The following KMT2C variants were observed in gnomAD, a reference collection of about 807,000 sequenced individuals.
KMT2C encodes histone-lysine N-methyltransferase 2C.
Under a neutral mutation model 507.9 loss-of-function variants are expected in KMT2C, and 88 were observed. The ratio of observed to expected loss-of-function variants is 0.17; its 90% CI spans 0.15 to 0.21. KMT2C has a LOEUF of 0.21. KMT2C is among the 10% of genes least tolerant of loss of function. KMT2C has a pLI of 1.00. For missense variants in KMT2C, 4,954 were observed against 5,957.8 expected (o/e 0.83, Z 5.55); for synonymous variants, 2,049 against 2,080.8 (o/e 0.98, Z 0.42).
chr7:152,320,262 T>A (rs527712298), intron 3 of KMT2C, among the ~76,000 whole-genome samples: 5 of 152,322 alleles, frequency 3.3e-5, no homozygotes, highest in African/African-American at 9.6e-5. Flanking sequence ...GTTTTTGTTT[T>A]TTTTGAGATG....
At chr7:152,185,440 T>C in intron 34 of KMT2C, 118 bp downstream of exon 34, 1 of 667,834 alleles carries the variant, frequency 1.5e-6, no homozygotes, top group Non-Finnish European at 2.6e-6. Flanking sequence ...AGTTGCTTGT[T>C]GTACAGGTAC....
chr7:152,214,507 C>A (rs2094525470), intron 23 of KMT2C, among the ~76,000 whole-genome samples: 1 of 152,036 alleles, frequency 6.6e-6, no homozygotes, highest in South Asian at 2.1e-4. Context: ...CTAATTTTGG[C>A]ATAATGCAAA....
At chr7:152,348,711 G>A (rs1037992119) in intron 2 of KMT2C, among the ~76,000 whole-genome samples, 2 of 150,858 alleles carry the variant, frequency 1.3e-5, no homozygotes, top group Admixed American at 6.6e-5. Context: ...ATGAACAGAT[G>A]TTCCACATTA....
intron 16 of KMT2C, among the ~76,000 whole-genome samples, chr7:152,234,417 A>G (rs2095219491): frequency 6.6e-6 from 1 of 152,020 alleles, no homozygotes; most frequent in Admixed American, 6.6e-5. Context: ...AAAACACAAC[A>G]AAAACCCCCC....
chr7:152,354,949 C>T (rs1191155353), intron 2 of KMT2C, among the ~76,000 whole-genome samples: 1 of 152,032 alleles, frequency 6.6e-6, no homozygotes, highest in African/African-American at 2.4e-5. Flanking sequence ...ACTCTGGCTA[C>T]TATGTGTGGG....
Position 152,162,721 on chromosome 7 carries a change from G to A in KMT2C, c.10856C>T (p.Thr3619Ile). Residue 3619 changes from threonine to isoleucine, a missense_variant, in exon 43 of 59, where the codon ACC becomes ATC. Physicochemically the swap from Thr to Ile is moderately conservative, Grantham distance 89. Coordinates refer to ENST00000262189, the MANE Select transcript of KMT2C (RefSeq NM_170606.3). ...TGAATGGGGAGTTGATGGAGCCTTG[G>A]TGGATTCTGCATCATCATCTCTTTT... Reference protein sequence around the residue: ...KKKRDDDAESTKAPSTPHSDI... With the variant: ...KKKRDDDAESIKAPSTPHSDI... 6.2e-7 allele frequency: 1 copy of A among 1,614,204 alleles called. No individual in the cohort carries two copies.
intron 2 of KMT2C, among the ~76,000 whole-genome samples, chr7:152,347,952 C>T (rs1304845501): frequency 1.3e-5 from 2 of 151,278 alleles, no homozygotes; most frequent in African/African-American, 4.9e-5. Flanking sequence ...TATTAAAGGG[C>T]CAACTGTTTC....
chr7:152,385,611 C>CAAAAAAAAAAAAAAAAAAAA (rs1160527130), intron 1 of KMT2C, among the ~76,000 whole-genome samples: 2 of 19,440 alleles, frequency 1.0e-4, no homozygotes, highest in Non-Finnish European at 1.4e-4. Flanking sequence ...GACTCCGTCT[C>CAAAAAAAAAAAAAAAAAAAA]AAAAAAAAAA....
rs184847158 is a variant in KMT2C at position 152,292,261 on chromosome 7, A to C, written c.849+17705T>G. On this transcript the variant is annotated intron_variant, in intron 6 of 58. Transcript: ENST00000262189. Reference sequence around the variant, plus strand: ...TCCACTTTTCTCCTTTTCTTGTTTTAACATGATAGGTGGGTATGCACTGGT... The same window carrying C: ...TCCACTTTTCTCCTTTTCTTGTTTTCACATGATAGGTGGGTATGCACTGGT... Among the ~76,000 whole-genome samples the C allele has an allele frequency of 1.5e-3, 221 of 152,290 alleles. 1 individual carries two copies. Among genetic ancestry groups the C allele is most frequent in the African/African-American group, 5.0e-3 (209 of 41,576 alleles).
chr7:152,168,343 T>TA (rs2092823596), intron 41 of KMT2C, among the ~76,000 whole-genome samples: 1 of 152,192 alleles, frequency 6.6e-6, no homozygotes, highest in Admixed American at 6.5e-5. Context: ...AGCCAGTTGG[T>TA]ATAGTTCTTT....
Position 152,196,019 on chromosome 7 carries a change from T to C in KMT2C, c.4274-8A>G. The C allele has an allele frequency of 1.3e-6, 2 of 1,512,598 alleles. No homozygotes were observed. The highest frequency in any genetic ancestry group is 9.1e-7 in the Non-Finnish European group (1 of 1,102,644). 93.7% of individuals were successfully genotyped at this position (1,512,598 alleles called of 1,614,324 possible). A position where few individuals can be genotyped will look rare whatever the true frequency, so the allele number is the denominator to read the frequency against. ...ATGGGTCATCAGCAGGACCTAAATA[T>C]AGTAAATATGTTTTTTAAAATTTCA... On this transcript the variant is annotated splice_region_variant and splice_polypyrimidine_tract_variant and intron_variant, in intron 27 of 58. Coordinates refer to ENST00000262189, the MANE Select transcript of KMT2C (RefSeq NM_170606.3).
chr7:152,416,219 G>A (rs557789421), intron 1 of KMT2C, among the ~76,000 whole-genome samples: 7 of 152,342 alleles, frequency 4.6e-5, no homozygotes. Context: ...GCGAAACCCT[G>A]TATTTTTAGT....
chr7:152,384,433 C>A (rs2097402075), intron 1 of KMT2C, among the ~76,000 whole-genome samples: 1 of 152,148 alleles, frequency 6.6e-6, no homozygotes, highest in African/African-American at 2.4e-5. Context: ...GTAACCTCTA[C>A]CTCCTCCAAT....
intron 1 of KMT2C, among the ~76,000 whole-genome samples, chr7:152,399,165 C>T (rs1236568986): frequency 6.6e-6 from 1 of 152,140 alleles, no homozygotes; most frequent in African/African-American, 2.4e-5. Flanking sequence ...ACACCTCCTA[C>T]ACCACTTAAA....
intron 47 of KMT2C, 38 bp from the exon 48 acceptor site, chr7:152,154,184 A>C (rs1376203169): frequency 3.1e-6 from 5 of 1,611,260 alleles, no homozygotes; most frequent in East Asian, 2.2e-5. Flanking sequence ...AAATAGTGTT[A>C]ATGGATTTTC....
intron 1 of KMT2C, among the ~76,000 whole-genome samples, chr7:152,400,923 A>T (rs554037460): frequency 9.2e-5 from 14 of 152,258 alleles, no homozygotes; most frequent in African/African-American, 3.1e-4. Context: ...TAAAATAAGT[A>T]ATAATGACAA....
At chr7:152,311,479 C>G (rs1287708953) in intron 5 of KMT2C, among the ~76,000 whole-genome samples, 1 of 152,102 alleles carries the variant, frequency 6.6e-6, no homozygotes, top group East Asian at 1.9e-4. Flanking sequence ...ATGCCACATT[C>G]CCCAAGTTCT....
rs2089761231 is a variant in KMT2C, at chr7:152,134,978, A to G, written c.*1854T>C. The G allele has an allele frequency of 8.8e-6, 2 of 226,158 alleles. No individual in the cohort carries two copies. The highest frequency in any genetic ancestry group is 4.4e-5 in the African/African-American group (2 of 44,976). 14.0% of individuals were successfully genotyped at this position (226,158 alleles called of 1,614,324 possible). A position where few individuals can be genotyped will look rare whatever the true frequency, so the allele number is the denominator to read the frequency against. On this transcript the variant is annotated 3_prime_UTR_variant, in exon 59 of 59. Coordinates refer to ENST00000262189, the MANE Select transcript of KMT2C (RefSeq NM_170606.3). ...ATGGTGATCTTCTAAATCTGTGTCC[A>G]CAAATTCCAAAACCCATAACACTCT...
At chr7:152,399,572 T>C (rs2097558894) in intron 1 of KMT2C, among the ~76,000 whole-genome samples, 1 of 151,968 alleles carries the variant, frequency 6.6e-6, no homozygotes, top group South Asian at 2.1e-4. Context: ...CTGCCAACCA[T>C]TAATTCCCAC....
Sources: gnomAD v4.1 joint callset for allele counts (sites outside exome capture counted in the v4.1 genomes callset) on GRCh38, gnomAD v4.1.1 for gene constraint, MANE v1.5 for transcripts, NCBI Gene and HGNC (gene_info 2026-07-23, HGNC 2026-07-21) for gene names.